ADGB: variants seen among roughly 807,000 people sequenced by gnomAD.
ADGB encodes the protein calpain-7-like protein.
Under a neutral mutation model 210.5 loss-of-function variants are expected in ADGB, and 172 were observed. That is an observed-to-expected ratio of 0.82 (90% CI 0.72 to 0.93). The LOEUF (loss-of-function observed/expected upper bound fraction) is 0.93, where lower values mean the gene tolerates loss of function less well. ADGB is among the 40% of genes least tolerant of loss of function. The probability of loss-of-function intolerance (pLI) is 0.00; values close to 1 mark genes in which losing one functional copy is unlikely to be tolerated. For synonymous variants in ADGB, 658 were observed against 662.7 expected (o/e 0.99, Z 0.11); for missense variants, 2,025 against 1,964.8 (o/e 1.03, Z -0.58).
chr6:146,665,107 G>A (rs891424347), intron 6 of ADGB, among the ~76,000 whole-genome samples: 1 of 152,018 alleles, frequency 6.6e-6, no homozygotes, highest in Non-Finnish European at 1.5e-5. Context: ...TCCACCTCCT[G>A]CAGTTTGTCA....
intron 28 of ADGB, among the ~76,000 whole-genome samples, chr6:146,765,243 T>C (rs1214572211): frequency 1.3e-5 from 2 of 152,024 alleles, no homozygotes; most frequent in African/African-American, 4.8e-5. Flanking sequence ...ACTACAGAGA[T>C]AAAAAGATAA....
chr6:146,707,486 T>C (rs1776589401), intron 13 of ADGB, among the ~76,000 whole-genome samples: 1 of 152,162 alleles, frequency 6.6e-6, no homozygotes, highest in South Asian at 2.1e-4. Context: ...TTAGATCTAT[T>C]AATATTGCTT....
At chr6:146,735,811 A>G (rs1692224984) in intron 22 of ADGB, among the ~76,000 whole-genome samples, 1 of 152,188 alleles carries the variant, frequency 6.6e-6, no homozygotes, top group Admixed American at 6.5e-5. Flanking sequence ...TATTTATTGA[A>G]TAACTCTTGA....
rs376129193 is a variant in ADGB at position 146,779,062 on chromosome 6, GA to G, written c.3863-2942del. Among the ~76,000 whole-genome samples the G allele has an allele frequency of 7.3e-3, 911 of 125,276 alleles. 3 individuals carry two copies. Among genetic ancestry groups the G allele is most frequent in the Admixed American group, 0.021 (258 of 12,166 alleles). The allele number at this position is 125,276 out of a possible 152,430, so 82.2% of individuals were successfully genotyped here. ...ATTCCTCAGCTCAGCAGTAGCTTTG[GA>G]AAAAAAAAAAAAAAACAGCCAATAT... is the stretch of plus-strand genomic sequence containing the variant. On this transcript the variant is annotated intron_variant, in intron 29 of 35. Transcript: ENST00000397944.
chr6:146,801,017 C>T (rs1411166341), intron 33 of ADGB, among the ~76,000 whole-genome samples, 166 bp from the exon 34 acceptor site: 1 of 151,294 alleles, frequency 6.6e-6, no homozygotes, highest in Non-Finnish European at 1.5e-5. Context: ...AAAATATAAG[C>T]ATATAATTAT....
chr6:146,752,646 C>T lies in ADGB; in HGVS notation c.3482C>T (p.Thr1161Ile), dbSNP rs907162362. Residue 1161 changes from threonine to isoleucine, a missense_variant, in exon 27 of 36, where the codon ACT becomes ATT. Transcript: ENST00000397944. ...LENEETMVSS[T>I]GKGQAIIPAF... ...AATGAAGAAACTATGGTGAGCTCCA[C>T]TGGAAAAGGCCAAGCTATAATCCCA... 18 of 1,550,828 alleles carry T rather than the reference C, an allele frequency of 1.2e-5. No individual in the cohort carries two copies. Among genetic ancestry groups the T allele is most frequent in the Non-Finnish European group, 1.4e-5 (16 of 1,146,458 alleles).
At chr6:146,691,496 A>ATT (rs1228357224) in intron 11 of ADGB, among the ~76,000 whole-genome samples, 12 of 16,484 alleles carry the variant, frequency 7.3e-4, no homozygotes, top group Non-Finnish European at 1.0e-3. Flanking sequence ...ATATATATAT[A>ATT]TATATTTTTT....
chr6:146,807,991 A>AG (rs1021590211), intron 35 of ADGB, among the ~76,000 whole-genome samples: 46 of 112,046 alleles, frequency 4.1e-4, no homozygotes, highest in Non-Finnish European at 6.4e-4. Flanking sequence ...ACTATGCTTC[A>AG]GTTTTTTTTT....
chr6:146,736,428 A>C, intron 22 of ADGB, 70 bp from the exon 23 acceptor site: 1 of 988,136 alleles, frequency 1.0e-6, no homozygotes, highest in African/African-American at 1.6e-5. Context: ...GTGAAAATGA[A>C]GGCTTTGGAC....
intron 26 of ADGB, among the ~76,000 whole-genome samples, chr6:146,747,927 T>G (rs2114607030): frequency 6.6e-6 from 1 of 151,256 alleles, no homozygotes; most frequent in South Asian, 2.1e-4. Flanking sequence ...GGATTACAGG[T>G]GCATGCCACC....
chr6:146,603,650 A>G (rs1475410502), intron 1 of ADGB, among the ~76,000 whole-genome samples: 1 of 152,220 alleles, frequency 6.6e-6, no homozygotes, highest in East Asian at 1.9e-4. Flanking sequence ...AATATATTTC[A>G]TAATTTTCAA....
At chr6:146,622,619 G>A (rs975966554) in intron 1 of ADGB, among the ~76,000 whole-genome samples, 4 of 151,900 alleles carry the variant, frequency 2.6e-5, no homozygotes, top group Non-Finnish European at 5.9e-5. Flanking sequence ...GGCTGTAAGG[G>A]GTACAAACCT....
At chr6:146,808,198 C>A (rs1260234733) in intron 35 of ADGB, among the ~76,000 whole-genome samples, 1 of 152,078 alleles carries the variant, frequency 6.6e-6, no homozygotes, top group South Asian at 2.1e-4. Flanking sequence ...CGGGGTTTCA[C>A]CATGTTGGCC....
intron 25 of ADGB, among the ~76,000 whole-genome samples, chr6:146,745,575 C>T (rs1777215763): frequency 6.6e-6 from 1 of 152,190 alleles, no homozygotes; most frequent in Non-Finnish European, 1.5e-5. Context: ...AAGTAAGAAG[C>T]TTTTGGGCTA....
chr6:146,659,540 CT>C (rs1423014196), intron 5 of ADGB, among the ~76,000 whole-genome samples: 1 of 152,190 alleles, frequency 6.6e-6, no homozygotes, highest in Non-Finnish European at 1.5e-5. Flanking sequence ...GCAAACCAAC[CT>C]CTCAGAGCCT....
chr6:146,781,896 G>C, intron 29 of ADGB, 124 bp from the exon 30 acceptor site: 1 of 657,450 alleles, frequency 1.5e-6, no homozygotes, highest in East Asian at 3.4e-5. Flanking sequence ...AAAAATCTGT[G>C]TGATTGAAAA....
At chr6:146,717,130 A>C in intron 15 of ADGB, 61 bp downstream of exon 15, 2 of 1,301,456 alleles carry the variant, frequency 1.5e-6, no homozygotes, top group Non-Finnish European at 2.1e-6. Flanking sequence ...GAGCTGCATT[A>C]GTATACAAAG....
chr6:146,663,432 T>C (rs1006883392), intron 5 of ADGB, among the ~76,000 whole-genome samples: 4 of 151,686 alleles, frequency 2.6e-5, no homozygotes, highest in East Asian at 1.9e-4. Context: ...TAAAATTCCA[T>C]GGTGGAAGAG....
intron 28 of ADGB, among the ~76,000 whole-genome samples, chr6:146,766,783 C>A (rs1485554996): frequency 6.6e-6 from 1 of 151,890 alleles, no homozygotes; most frequent in African/African-American, 2.4e-5. Context: ...ATAAAGGTAA[C>A]ACAAAAAGGA....
Sources: allele counts gnomAD v4.1 joint callset (sites outside exome capture counted in the v4.1 genomes callset), GRCh38; gene constraint gnomAD v4.1.1; transcripts MANE v1.5; gene names NCBI Gene and HGNC (gene_info 2026-07-23, HGNC 2026-07-21).